The following SLC2A13 variants were observed in gnomAD, a reference collection of about 807,000 sequenced individuals.
SLC2A13 encodes proton myo-inositol cotransporter.
Under a neutral mutation model 64.4 loss-of-function variants are expected in SLC2A13, and 32 were observed. The observed-to-expected ratio is 0.50, with a 90% CI of 0.37 to 0.67. The LOEUF (loss-of-function observed/expected upper bound fraction) is 0.67, where lower values mean the gene tolerates loss of function less well. SLC2A13 is among the 30% of genes least tolerant of loss of function. SLC2A13 has a pLI of 0.00. For missense variants in SLC2A13, 743 were observed against 829.2 expected (o/e 0.90, Z 1.28); for synonymous variants, 338 against 327.1 (o/e 1.03, Z -0.36).
In SLC2A13 at chr12:39,817,710, A is replaced by G. The variant is rs556320785; in HGVS notation, c.1445+12393T>C. Among the ~76,000 whole-genome samples, 3 of 152,232 alleles carry G rather than the reference A, an allele frequency of 2.0e-5. 1 individual carries two copies. The highest frequency in any genetic ancestry group is 7.2e-5 in the African/African-American group (3 of 41,458). On this transcript the variant is annotated intron_variant, in intron 7 of 9. Coordinates refer to ENST00000280871, the MANE Select transcript of SLC2A13 (RefSeq NM_052885.4). Reference sequence around the variant, plus strand: ...TTTTTACATACTTTATATATATTTTAAAATATCTATAGCCAACGTATGCAG... The same window carrying G: ...TTTTTACATACTTTATATATATTTTGAAATATCTATAGCCAACGTATGCAG...
At chr12:39,951,477 G>T (rs1488019310) in intron 3 of SLC2A13, 112 bp from the exon 4 acceptor site, 1 of 700,016 alleles carries the variant, frequency 1.4e-6, no homozygotes, top group African/African-American at 1.8e-5. Context: ...ACATGACTGG[G>T]CATTTTAAAT....
chr12:40,040,886 T>C (rs1353124973), intron 2 of SLC2A13, among the ~76,000 whole-genome samples: 1 of 152,164 alleles, frequency 6.6e-6, no homozygotes, highest in Non-Finnish European at 1.5e-5. Context: ...CATAAAGTTG[T>C]TTAGAAATAA....
chr12:39,945,964 G>T (rs557690716), intron 4 of SLC2A13, among the ~76,000 whole-genome samples: 3 of 152,136 alleles, frequency 2.0e-5, no homozygotes, highest in Non-Finnish European at 4.4e-5. Flanking sequence ...TGGCCTTCTG[G>T]TTCCTTCTTA....
chr12:39,868,147 C>G (rs1943954262), intron 5 of SLC2A13, among the ~76,000 whole-genome samples: 1 of 152,118 alleles, frequency 6.6e-6, no homozygotes, highest in Non-Finnish European at 1.5e-5. Flanking sequence ...GGATTTGAGT[C>G]TAATACAAGA....
intron 3 of SLC2A13, among the ~76,000 whole-genome samples, chr12:40,009,720 C>T (rs1947492484): frequency 6.6e-6 from 1 of 152,186 alleles, no homozygotes; most frequent in African/African-American, 2.4e-5. Context: ...CAGGCATGAG[C>T]CATCATGCCT....
At position 40,073,906 on chromosome 12, in the gene SLC2A13, A is replaced by G. The variant is rs531189206; in HGVS notation, c.557-25696T>C. Among the ~76,000 whole-genome samples, 8 of 152,110 alleles carry G rather than the reference A, an allele frequency of 5.3e-5. No homozygotes were observed. In the East Asian group the frequency reaches 5.8e-4, roughly 11 times the overall value. On this transcript the variant is annotated intron_variant, in intron 1 of 9. Coordinates refer to ENST00000280871, the MANE Select transcript of SLC2A13 (RefSeq NM_052885.4). ...GCTTTGTCAACTAGGAAATTGTAGG[A>G]TCTGTGGTTTGGCTGGGAAATGCTC...
intron 3 of SLC2A13, among the ~76,000 whole-genome samples, chr12:39,992,452 A>C (rs1947152916): frequency 6.6e-6 from 1 of 151,862 alleles, no homozygotes. Flanking sequence ...GAATTCTACC[A>C]CTCTACCTTT....
intron 1 of SLC2A13, among the ~76,000 whole-genome samples, chr12:40,060,708 A>C (rs1405251391): frequency 6.6e-6 from 1 of 152,200 alleles, no homozygotes; most frequent in Non-Finnish European, 1.5e-5. Flanking sequence ...AACAGAAAAA[A>C]GTATCTTTCA....
intron 3 of SLC2A13, among the ~76,000 whole-genome samples, chr12:39,972,838 C>G (rs566044): frequency 6.6e-6 from 1 of 152,090 alleles, no homozygotes; most frequent in Non-Finnish European, 1.5e-5. Flanking sequence ...GAGGCCAAGG[C>G]AGGTGGATCA....
At chr12:39,866,465 A>G (rs1943912895) in intron 5 of SLC2A13, among the ~76,000 whole-genome samples, 1 of 152,196 alleles carries the variant, frequency 6.6e-6, no homozygotes, top group South Asian at 2.1e-4. Flanking sequence ...TGAATTTTAA[A>G]TGTCATAATG....
At chr12:39,958,835 C>A (rs1457701246) in intron 3 of SLC2A13, among the ~76,000 whole-genome samples, 1 of 151,990 alleles carries the variant, frequency 6.6e-6, no homozygotes, top group African/African-American at 2.4e-5. Context: ...AGGACTGGAC[C>A]AGGCTCTCAC....
chr12:40,036,895 A>G (rs147423731), intron 2 of SLC2A13, among the ~76,000 whole-genome samples: 1 of 152,230 alleles, frequency 6.6e-6, no homozygotes, highest in Admixed American at 6.5e-5. Context: ...GCTGGCTGCA[A>G]TTTTTTTGTG....
At chr12:39,906,328 A>C (rs1395541437) in intron 4 of SLC2A13, among the ~76,000 whole-genome samples, 1 of 152,116 alleles carries the variant, frequency 6.6e-6, no homozygotes, top group African/African-American at 2.4e-5. Context: ...ACTAAATTTC[A>C]TCAGAAGTCA....
chr12:40,050,445 A>G (rs945324894), intron 1 of SLC2A13, among the ~76,000 whole-genome samples: 11 of 152,206 alleles, frequency 7.2e-5, no homozygotes, highest in African/African-American at 2.7e-4. Flanking sequence ...TTTGAAAGTA[A>G]TACGTACTGA....
At position 39,755,216 on chromosome 12, in the gene SLC2A13, T is replaced by C. The variant is rs555992275; in HGVS notation, c.*4810A>G. 2.0e-5 allele frequency: 3 copies of C among 152,240 alleles called. No individual in the cohort carries two copies. In the South Asian group the frequency reaches 6.2e-4, roughly 32 times the overall value. 9.4% of individuals were successfully genotyped at this position (152,240 alleles called of 1,614,324 possible). A position where few individuals can be genotyped will look rare whatever the true frequency, so the allele number is the denominator to read the frequency against. On this transcript the variant is annotated 3_prime_UTR_variant, in exon 10 of 10. Transcript: ENST00000280871. ...ACTTTTGATACAGCATAGGCTAGGATGACTTTGAAGGAAATGGTACATATT... is the reference window on the plus strand; with the variant it reads ...ACTTTTGATACAGCATAGGCTAGGACGACTTTGAAGGAAATGGTACATATT...
chr12:39,834,354 C>G (rs965205509), intron 6 of SLC2A13, among the ~76,000 whole-genome samples: 3 of 152,068 alleles, frequency 2.0e-5, no homozygotes, highest in Non-Finnish European at 4.4e-5. Flanking sequence ...TATCTGTCCT[C>G]ACCTCTTTTC....
At position 39,904,692 on chromosome 12, in the gene SLC2A13, T is replaced by C. The variant is rs577974838; in HGVS notation, c.1035-32731A>G. The stretch of plus-strand genomic sequence containing the variant: ...CATTTCAGGTTCCAGCCTGTCCTTA[T>C]ATGCCCTGCTTTGCTGCAACCAAGT... On this transcript the variant is annotated intron_variant, in intron 4 of 9. Coordinates refer to ENST00000280871, the MANE Select transcript of SLC2A13 (RefSeq NM_052885.4). 3.9e-5 allele frequency among the ~76,000 whole-genome samples: 6 copies of C among 152,278 alleles called. No individual in the cohort carries two copies. In the East Asian group the frequency reaches 1.2e-3, roughly 29 times the overall value.
intron 1 of SLC2A13, among the ~76,000 whole-genome samples, chr12:40,069,116 A>G (rs1020707390): frequency 1.3e-5 from 2 of 152,130 alleles, no homozygotes; most frequent in African/African-American, 4.8e-5. Context: ...GTATAAGGAG[A>G]ATCTAGTATA....
chr12:39,864,784 T>G lies in SLC2A13; in HGVS notation c.1297A>C (p.Asn433His), dbSNP rs1329513929. ...CACCTGTATCTTGTGCAAGTGGCGTTCTGACCTGACGGAGCTATTGGCTTA... is the reference window on the plus strand; with the variant it reads ...CACCTGTATCTTGTGCAAGTGGCGTGCTGACCTGACGGAGCTATTGGCTTA... ...TFKPIAPSGQ[N>H]ATCTRYSYCN... Residue 433 changes from asparagine (N) to histidine (H), a missense_variant, in exon 6 of 10, where the codon AAC (asparagine) becomes CAC (histidine). By Grantham distance (68) the Asn-to-His change is moderately conservative. Coordinates refer to ENST00000280871, the MANE Select transcript of SLC2A13 (RefSeq NM_052885.4). The G allele has an allele frequency of 6.2e-7, 1 of 1,614,048 alleles. No homozygotes were observed. Among genetic ancestry groups the G allele is most frequent in the East Asian group, 2.2e-5 (1 of 44,878 alleles).
Sources: allele counts gnomAD v4.1 joint callset (sites outside exome capture counted in the v4.1 genomes callset), GRCh38; gene constraint gnomAD v4.1.1; transcripts MANE v1.5; gene names NCBI Gene and HGNC (gene_info 2026-07-23, HGNC 2026-07-21).